CNTN6: variants seen among roughly 807,000 people sequenced by gnomAD.
CNTN6 encodes contactin-6.
CNTN6 carries 137 observed loss-of-function variants against 122.8 expected under a neutral mutation model. The ratio of observed to expected loss-of-function variants is 1.12; its 90% CI spans 0.97 to 1.29. The LOEUF (loss-of-function observed/expected upper bound fraction) is 1.29, where lower values mean the gene tolerates loss of function less well. Ranked by LOEUF, CNTN6 falls within the 50% of genes most tolerant of loss-of-function variation. CNTN6 has a pLI of 0.00. For synonymous variants in CNTN6, 570 were observed against 426.0 expected, an observed-to-expected ratio of 1.34 and a Z score of -4.16; for missense variants, 1,634 against 1,223.4, an observed-to-expected ratio of 1.34 and a Z score of -5.01.
chr3:1,172,705 A>C (rs183474015), intron 2 of CNTN6, among the ~76,000 whole-genome samples: 64 of 152,088 alleles, frequency 4.2e-4, no homozygotes, highest in African/African-American at 1.4e-3. Context: ...ATCTCACCAA[A>C]ATCCGGAATG....
intron 7 of CNTN6, 84 bp downstream of exon 7, chr3:1,298,075 C>A (rs1429703857): frequency 1.1e-6 from 1 of 926,634 alleles, no homozygotes; most frequent in African/African-American, 1.7e-5. Flanking sequence ...ATATATTGCT[C>A]TAAGGTAAAT....
At chr3:1,200,589 G>C (rs1361426357) in intron 2 of CNTN6, among the ~76,000 whole-genome samples, 1 of 152,162 alleles carries the variant, frequency 6.6e-6, no homozygotes. Context: ...CTAGCTCATA[G>C]CTCATAACTG....
chr3:1,389,786 AC>A (rs985887046), intron 20 of CNTN6, among the ~76,000 whole-genome samples: 47 of 150,764 alleles, frequency 3.1e-4, no homozygotes, highest in African/African-American at 1.1e-3. Flanking sequence ...CAGACTTTAA[AC>A]CAACAAAGAT....
chr3:1,387,721 GAAGCA>G (rs550234572), intron 20 of CNTN6, among the ~76,000 whole-genome samples: 126 of 152,322 alleles, frequency 8.3e-4, no homozygotes, highest in African/African-American at 2.9e-3. Flanking sequence ...TGCGCAAGCC[GAAGCA>G]GGGCGAGGCA....
chr3:1,388,278 G>A (rs113900471), intron 20 of CNTN6, among the ~76,000 whole-genome samples: 26,233 of 144,594 alleles, frequency 0.18, 3,168 homozygotes, highest in Non-Finnish European at 0.25. Context: ...AGCCTAACTG[G>A]GAGGCACCCC....
chr3:1,113,301 A>C (rs1194764094), intron 1 of CNTN6, among the ~76,000 whole-genome samples: 2 of 152,208 alleles, frequency 1.3e-5, no homozygotes, highest in Non-Finnish European at 2.9e-5. Flanking sequence ...AATTTGCTTC[A>C]TCTTACTAAA....
At chr3:1,372,274 A>T (rs1267346147) in intron 12 of CNTN6, 25 bp from the exon 13 acceptor site, 1 of 1,567,524 alleles carries the variant, frequency 6.4e-7, no homozygotes, top group African/African-American at 1.4e-5. Context: ...CATAAGCTTT[A>T]AAAAATAATT....
intron 20 of CNTN6, among the ~76,000 whole-genome samples, chr3:1,392,258 T>C: frequency 6.6e-6 from 1 of 152,206 alleles, no homozygotes; most frequent in Non-Finnish European, 1.5e-5. Flanking sequence ...GCCGCATATC[T>C]ACAGCTATCT....
intron 7 of CNTN6, among the ~76,000 whole-genome samples, chr3:1,306,669 C>G (rs1287555679): frequency 5.9e-5 from 9 of 152,190 alleles, no homozygotes; most frequent in Non-Finnish European, 1.3e-4. Context: ...ATAGATACAG[C>G]AGAATGTTTG....
At chr3:1,169,845 A>G (rs2093327785) in intron 2 of CNTN6, among the ~76,000 whole-genome samples, 1 of 152,170 alleles carries the variant, frequency 6.6e-6, no homozygotes, top group African/African-American at 2.4e-5. Flanking sequence ...TCTGACTTTG[A>G]TAAATAATCA....
At chr3:1,123,629 G>T (rs1484403868) in intron 1 of CNTN6, among the ~76,000 whole-genome samples, 1 of 151,832 alleles carries the variant, frequency 6.6e-6, no homozygotes. Context: ...TCTGCAAATG[G>T]ACATGGTTTT....
intron 2 of CNTN6, among the ~76,000 whole-genome samples, chr3:1,208,409 T>C (rs2093986527): frequency 6.6e-6 from 1 of 152,134 alleles, no homozygotes; most frequent in Non-Finnish European, 1.5e-5. Flanking sequence ...AACTCCTGTT[T>C]CAATGCCATT....
chr3:1,096,849 C>T (rs1395304822), intron 1 of CNTN6, among the ~76,000 whole-genome samples: 1 of 152,158 alleles, frequency 6.6e-6, no homozygotes, highest in Non-Finnish European at 1.5e-5. Flanking sequence ...GTTTTGTCCA[C>T]TAACATTTTC....
At chr3:1,370,408 T>A (rs185143229) in intron 12 of CNTN6, among the ~76,000 whole-genome samples, 1 of 151,682 alleles carries the variant, frequency 6.6e-6, no homozygotes, top group Non-Finnish European at 1.5e-5. Context: ...AAATGACGAG[T>A]TAATGGGTGC....
At chr3:1,300,806 C>G (rs1478456904) in intron 7 of CNTN6, among the ~76,000 whole-genome samples, 1 of 151,760 alleles carries the variant, frequency 6.6e-6, no homozygotes, top group Non-Finnish European at 1.5e-5. Flanking sequence ...TCTCTCTCTC[C>G]CCCTCTCTCT....
chr3:1,386,377 G>C (rs971596106), intron 20 of CNTN6, among the ~76,000 whole-genome samples: 2 of 152,104 alleles, frequency 1.3e-5, no homozygotes, highest in African/African-American at 4.8e-5. Context: ...GGAAGTCCCT[G>C]AAATCTAAGA....
At position 1,227,844 on chromosome 3, in the gene CNTN6, A is replaced by AT; in HGVS notation, c.213dup (p.Thr72TyrfsTer17). 1 of 1,613,488 alleles carries AT rather than the reference A, an allele frequency of 6.2e-7. No individual in the cohort carries two copies. The highest frequency in any genetic ancestry group is 8.5e-7 in the Non-Finnish European group (1 of 1,179,842). ...TGGAAGCAAAATGGCACAGACATTG[A>AT]TTTTACTATGAGTTATCACTACAGG... On this transcript the variant is annotated frameshift_variant, in exon 4 of 23. Transcript: ENST00000446702. LOFTEE classifies it high-confidence loss of function.
At chr3:1,102,019 A>C (rs2090923411) in intron 1 of CNTN6, among the ~76,000 whole-genome samples, 1 of 152,178 alleles carries the variant, frequency 6.6e-6, no homozygotes, top group African/African-American at 2.4e-5. Flanking sequence ...TCCTTTTAAA[A>C]TCCTTTTTTA....
intron 1 of CNTN6, among the ~76,000 whole-genome samples, chr3:1,139,121 C>G (rs966931828): frequency 1.3e-5 from 2 of 152,088 alleles, no homozygotes; most frequent in African/African-American, 4.8e-5. Context: ...ACTGCCACTT[C>G]CATTTGTTTA....
Sources: gnomAD v4.1 joint callset for allele counts (sites outside exome capture counted in the v4.1 genomes callset) on GRCh38, gnomAD v4.1.1 for gene constraint, MANE v1.5 for transcripts, NCBI Gene and HGNC (gene_info 2026-07-23, HGNC 2026-07-21) for gene names.